Variants in CSMD1 observed in about 807,000 individuals in gnomAD.
CSMD1 encodes CUB and sushi domain-containing protein 1.
In CSMD1, 213 loss-of-function variants were observed where a neutral mutation model predicts 417.5. That is an observed-to-expected ratio of 0.51 (90% confidence interval 0.46 to 0.57). The LOEUF is 0.57. CSMD1 is among the 20% of genes least tolerant of loss of function. The pLI, the probability that CSMD1 is intolerant of heterozygous loss-of-function variation, is 0.00. For synonymous variants in CSMD1, 2,862 were observed against 1,736.8 expected (o/e 1.65, Z -16.11); for missense variants, 6,923 against 4,529.7 (o/e 1.53, Z -15.17).
chr8:4,231,505 G>C (rs544816313), intron 3 of CSMD1, among the ~76,000 whole-genome samples: 2 of 123,798 alleles, frequency 1.6e-5, no homozygotes, highest in African/African-American at 6.2e-5. Flanking sequence ...TCAATTAGGA[G>C]ACATAAGAAA....
rs1221101669 is a variant in CSMD1 at position 4,816,918 on chromosome 8, C to G, written c.85+177414G>C. ...TGAGGTTTGGAGCATAACAATCACT[C>G]CCATCTACTGCCAGAAAGGGAATTG... On this transcript the variant is annotated intron_variant, in intron 1 of 69. Coordinates refer to ENST00000635120, the MANE Select transcript of CSMD1 (RefSeq NM_033225.6). Among the ~76,000 whole-genome samples, 7 of 152,188 alleles carry G rather than the reference C, an allele frequency of 4.6e-5. No homozygotes were observed. The East Asian group carries it at 1.2e-3, about 25-fold the overall frequency.
At chr8:3,983,057 G>T (rs1412525026) in intron 5 of CSMD1, among the ~76,000 whole-genome samples, 2 of 151,844 alleles carry the variant, frequency 1.3e-5, no homozygotes, top group East Asian at 1.9e-4. Context: ...ATCCAAGTTG[G>T]CTGACTCTTT....
In CSMD1 at chr8:4,263,813, A is replaced by G. The variant is rs560192048; in HGVS notation, c.415+156140T>C. Among the ~76,000 whole-genome samples the G allele has an allele frequency of 1.7e-3, 265 of 152,290 alleles. 1 individual carries two copies. Among genetic ancestry groups the G allele is most frequent in the Non-Finnish European group, 2.8e-3 (191 of 68,022 alleles). On this transcript the variant is annotated intron_variant, in intron 3 of 69. Coordinates refer to ENST00000635120, the MANE Select transcript of CSMD1 (RefSeq NM_033225.6). ...TGTGACTGGCTCACCTAAATTATAC[A>G]TATTTTCTAAACCAATTTTTGATAG...
chr8:3,035,413 G>C (rs2128980246), intron 50 of CSMD1, among the ~76,000 whole-genome samples: 1 of 152,192 alleles, frequency 6.6e-6, no homozygotes, highest in East Asian at 1.9e-4. Context: ...AGGAAGCCCA[G>C]GCTCACCCCA....
chr8:4,425,708 G>C (rs940364777), intron 2 of CSMD1, among the ~76,000 whole-genome samples: 7 of 152,036 alleles, frequency 4.6e-5, no homozygotes, highest in Admixed American at 3.9e-4. Flanking sequence ...TCAACACATA[G>C]TAAATTACGA....
chr8:4,759,550 T>C (rs1311943066), intron 1 of CSMD1, among the ~76,000 whole-genome samples: 1 of 149,914 alleles, frequency 6.7e-6, no homozygotes, highest in African/African-American at 2.5e-5. Context: ...TTTTTCCTAA[T>C]GCTCTCCCTT....
intron 5 of CSMD1, among the ~76,000 whole-genome samples, chr8:3,931,121 T>C (rs959468771): frequency 6.6e-6 from 1 of 150,626 alleles, no homozygotes; most frequent in African/African-American, 2.4e-5. Flanking sequence ...AGGCCGATAT[T>C]GCAGGGTAAC....
chr8:4,088,928 C>T lies in CSMD1; in HGVS notation c.416-56829G>A, dbSNP rs1453087438. Among the ~76,000 whole-genome samples, 3 of 152,200 alleles carry T rather than the reference C, an allele frequency of 2.0e-5. No individual in the cohort carries two copies. In the East Asian group the frequency reaches 5.8e-4, roughly 29 times the overall value. ...TTTATATTCAGCGAAAAAGCACTCC[C>T]CTGCCAAGGTCTTTCCTGAATTCCA... On this transcript the variant is annotated intron_variant, in intron 3 of 69. Coordinates refer to ENST00000635120, the MANE Select transcript of CSMD1 (RefSeq NM_033225.6).
intron 3 of CSMD1, among the ~76,000 whole-genome samples, chr8:4,121,769 A>T (rs1444487411): frequency 6.6e-6 from 1 of 152,168 alleles, no homozygotes; most frequent in Non-Finnish European, 1.5e-5. Context: ...ACAAAATTAC[A>T]AAGGTAATAT....
Position 3,998,068 on chromosome 8 carries a change from G to A in CSMD1, c.653C>T (p.Ser218Phe), listed in dbSNP as rs371099634. 6.3e-6 allele frequency: 10 copies of A among 1,592,024 alleles called. No homozygotes were observed. The highest frequency in any genetic ancestry group is 6.0e-6 in the Non-Finnish European group (7 of 1,168,660). Residue 218 changes from serine to phenylalanine, a missense_variant, in exon 5 of 70, where the codon TCC becomes TTC. Coordinates refer to ENST00000635120, the MANE Select transcript of CSMD1 (RefSeq NM_033225.6). ...CGGTLRGTSS[S>F]ISSPHFPSEY... ...TGAAGGGAAGTGCGGGCTGGAGATG[G>A]AGCTGCTGGTCCCGCGTAAGGTTCC... is the stretch of plus-strand genomic sequence containing the variant.
intron 3 of CSMD1, among the ~76,000 whole-genome samples, chr8:4,220,170 T>G (rs1173564494): frequency 1.3e-5 from 2 of 152,140 alleles, no homozygotes; most frequent in African/African-American, 2.4e-5. Flanking sequence ...AAGCTCGTCT[T>G]GAACTCCTGA....
intron 3 of CSMD1, among the ~76,000 whole-genome samples, chr8:4,089,777 G>C (rs1800619890): frequency 6.6e-6 from 1 of 152,062 alleles, no homozygotes; most frequent in South Asian, 2.1e-4. Context: ...TTTGTTATGG[G>C]CAATAATGCC....
chr8:3,361,045 G>A (rs1809129702), intron 20 of CSMD1, among the ~76,000 whole-genome samples: 1 of 151,898 alleles, frequency 6.6e-6, no homozygotes, highest in Non-Finnish European at 1.5e-5. Flanking sequence ...AATCTACTCT[G>A]GATCTGTAAA....
intron 10 of CSMD1, among the ~76,000 whole-genome samples, chr8:3,531,760 C>A (rs151324399): frequency 1.3e-5 from 2 of 152,198 alleles, no homozygotes; most frequent in Admixed American, 1.3e-4. Flanking sequence ...CAAAGAGCAG[C>A]CTGGAAGATC....
rs1283550108 is a variant in CSMD1 at position 3,142,534 on chromosome 8, G to A, written c.6172C>T (p.His2058Tyr). 2 of 1,613,882 alleles carry A rather than the reference G, an allele frequency of 1.2e-6. No homozygotes were observed. Among genetic ancestry groups the A allele is most frequent in the Non-Finnish European group, 1.7e-6 (2 of 1,179,904 alleles). Reference protein sequence around the residue: ...DLPAALLSTTHETLIHFYSDH... With the variant: ...DLPAALLSTTYETLIHFYSDH... Reference sequence around the variant, plus strand: ...CTATAAAAGTGGATGAGGGTTTCATGCGTTGTGCTCAGCAGGGCCGCGGGG... The same window carrying A: ...CTATAAAAGTGGATGAGGGTTTCATACGTTGTGCTCAGCAGGGCCGCGGGG... Residue 2058 changes from histidine (H) to tyrosine (Y), a missense_variant, in exon 41 of 70, where the codon CAT (histidine) becomes TAT (tyrosine). By Grantham distance (83) the His-to-Tyr change is moderately conservative. Transcript: ENST00000635120.
intron 33 of CSMD1, 123 bp from the exon 34 acceptor site, chr8:3,190,238 T>C: frequency 6.4e-6 from 4 of 627,608 alleles, no homozygotes; most frequent in East Asian, 2.9e-5. Flanking sequence ...TAATAACGAC[T>C]CCAACAATCG....
chr8:4,019,603 T>C (rs58639311), intron 4 of CSMD1, among the ~76,000 whole-genome samples: 16,981 of 152,184 alleles, frequency 0.11, 1,130 homozygotes, highest in South Asian at 0.23. Flanking sequence ...CTGCTTGTTG[T>C]CAGAAGACAA....
At chr8:3,377,401 GT>G (rs1243986035) in intron 18 of CSMD1, among the ~76,000 whole-genome samples, 2 of 152,116 alleles carry the variant, frequency 1.3e-5, no homozygotes, top group Non-Finnish European at 2.9e-5. Flanking sequence ...CCTTCGAAAG[GT>G]TTAAATCTCA....
chr8:4,390,336 G>T lies in CSMD1; in HGVS notation c.415+29617C>A, dbSNP rs183095173. ...GTTAATTGGGAAAAGAAGGAAAAGAGAAATAACCATAATAATACCACATTC... is the reference window on the plus strand; with the variant it reads ...GTTAATTGGGAAAAGAAGGAAAAGATAAATAACCATAATAATACCACATTC... On this transcript the variant is annotated intron_variant, in intron 3 of 69. Coordinates refer to ENST00000635120, the MANE Select transcript of CSMD1 (RefSeq NM_033225.6). 2.0e-4 allele frequency among the ~76,000 whole-genome samples: 30 copies of T among 152,124 alleles called. 1 individual carries two copies. The East Asian group carries it at 5.6e-3, about 28-fold the overall frequency.
Sources: gnomAD v4.1 joint callset for allele counts (sites outside exome capture counted in the v4.1 genomes callset) on GRCh38, gnomAD v4.1.1 for gene constraint, MANE v1.5 for transcripts, NCBI Gene and HGNC (gene_info 2026-07-23, HGNC 2026-07-21) for gene names.